Variants in ASB10 observed in about 807,000 individuals in gnomAD.
ASB10 encodes the protein ankyrin repeat and SOCS box containing 10.
ASB10 carries 44 observed loss-of-function variants against 35.4 expected under a neutral mutation model. That is an observed-to-expected ratio of 1.24 (90% CI 0.98 to 1.60). The LOEUF is 1.60. Among genes scored for constraint, ASB10 ranks in the 40% most tolerant of loss-of-function variants. ASB10 has a pLI of 0.00. For missense variants in ASB10, 647 were observed against 634.3 expected, an observed-to-expected ratio of 1.02 and a Z score of -0.22; for synonymous variants, 294 against 280.4, an observed-to-expected ratio of 1.05 and a Z score of -0.49.
chr7:151,178,131 C>T (rs980233079), intron 3 of ASB10, among the ~76,000 whole-genome samples: 2 of 152,232 alleles, frequency 1.3e-5, no homozygotes, highest in African/African-American at 4.8e-5. Context: ...CACCTTTAAT[C>T]CCAGCTATTT....
At chr7:151,181,585 C>T (rs1801495917) in intron 2 of ASB10, 127 bp from the exon 3 acceptor site, 7 of 1,374,940 alleles carry the variant, frequency 5.1e-6, no homozygotes, top group Non-Finnish European at 6.7e-6. Flanking sequence ...GTCATCCTGG[C>T]ACCATTCTGC....
chr7:151,175,858 G>A lies in ASB10; in HGVS notation c.*109C>T, dbSNP rs1339550523. 7 of 504,290 alleles carry A rather than the reference G, an allele frequency of 1.4e-5. No individual in the cohort carries two copies. The highest frequency in any genetic ancestry group is 3.7e-5 in the Admixed American group (1 of 26,700). 31.2% of individuals were successfully genotyped at this position (504,290 alleles called of 1,614,324 possible). On this transcript the variant is annotated 3_prime_UTR_variant, in exon 6 of 6. Transcript: ENST00000420175. ...AATTGCAGCATCCACACCTGCCTGC[G>A]GAGCTGGGCCTCCTGCTGCCAGGGC... is the stretch of plus-strand genomic sequence containing the variant.
chr7:151,181,077 G>A lies in ASB10; in HGVS notation c.966C>T (p.Thr322=), dbSNP rs368799141. 1.2e-6 allele frequency: 2 copies of A among 1,612,544 alleles called. No homozygotes were observed. The highest frequency in any genetic ancestry group is 3.3e-5 in the Admixed American group (2 of 60,028). ...LLLSCGVSAN[T]MDYGGHTPLH... is the part of the protein sequence containing the mutation. ...GGGGCGTGTGTCCCCCATAGTCCAT[G>A]GTGTTGGCGCTGACACCACAGGACA... Residue 322 remains threonine (T), a synonymous_variant, in exon 3 of 6, where the codon ACC becomes ACT. Transcript: ENST00000420175.
At chr7:151,187,657 C>CT, upstream of ASB10, 3 of 1,523,496 alleles carry the variant, frequency 2.0e-6, no homozygotes, top group Non-Finnish European at 2.7e-6. This position sits in a 1 kb window ranked among gnomAD's most constrained non-coding sequence, Gnocchi z 5.3. Flanking sequence ...TCCGGCAGGC[C>CT]GGGGCGGAGG....
intron 5 of ASB10, 31 bp downstream of exon 5, chr7:151,176,081 G>A: frequency 6.2e-7 from 1 of 1,604,996 alleles, no homozygotes; most frequent in Non-Finnish European, 8.5e-7. Flanking sequence ...ACCCCAAGCA[G>A]CTGTGACTGC....
intron 2 of ASB10, among the ~76,000 whole-genome samples, chr7:151,185,610 T>C (rs1801574597): frequency 6.6e-6 from 1 of 152,132 alleles, no homozygotes; most frequent in South Asian, 2.1e-4. Flanking sequence ...CCAGGGTCAA[T>C]AATTTGGCAC....
chr7:151,187,271 A>G (rs1253753097), upstream of ASB10: 1 of 1,512,920 alleles, frequency 6.6e-7, no homozygotes, highest in East Asian at 2.5e-5. This position sits in a 1 kb window ranked among gnomAD's most constrained non-coding sequence, Gnocchi z 5.3. Flanking sequence ...CGCATCCAGC[A>G]GGAGCTATTC....
chr7:151,177,628 C>T (rs1218257185), intron 3 of ASB10, among the ~76,000 whole-genome samples: 5 of 152,050 alleles, frequency 3.3e-5, no homozygotes, highest in Non-Finnish European at 1.5e-5. Flanking sequence ...GTGGGGGACT[C>T]ACAGAGGGAG....
intron 2 of ASB10, among the ~76,000 whole-genome samples, chr7:151,183,050 T>C (rs930414472): frequency 6.6e-6 from 1 of 152,246 alleles, no homozygotes; most frequent in African/African-American, 2.4e-5. Context: ...AACCTCACTA[T>C]CCAGTGGTAG....
intron 2 of ASB10, among the ~76,000 whole-genome samples, chr7:151,184,399 T>G (rs1801549335): frequency 7.4e-6 from 1 of 135,376 alleles, no homozygotes; most frequent in East Asian, 2.2e-4. Flanking sequence ...GGCGACAGAG[T>G]AAAAAAAAAA....
Position 151,187,204 on chromosome 7 carries a change from G to GCCACCT in ASB10, c.-75_-74insAGGTGG. 6.5e-7 allele frequency: 1 copy of GCCACCT among 1,544,236 alleles called. No homozygotes were observed. ...CAGAGAGAGAGAGAGAGAGCAGGAG[G>GCCACCT]GAAATACAGACAGACAGAAGGCCCC... is the stretch of plus-strand genomic sequence containing the variant. On this transcript the variant is annotated 5_prime_UTR_variant, in exon 1 of 6. Coordinates refer to ENST00000420175, the MANE Select transcript of ASB10 (RefSeq NM_001142459.2). This position sits in a 1 kb window ranked among gnomAD's most constrained non-coding sequence, Gnocchi z 5.3.
In ASB10 at chr7:151,176,136, C is replaced by T; in HGVS notation, c.1380G>A (p.Leu460=). 1 of 1,611,730 alleles carries T rather than the reference C, an allele frequency of 6.2e-7. No individual in the cohort carries two copies. Among genetic ancestry groups the T allele is most frequent in the Non-Finnish European group, 8.5e-7 (1 of 1,179,810 alleles). Residue 460 remains leucine (L), a synonymous_variant, in exon 5 of 6, where the codon CTG becomes CTA. Transcript: ENST00000420175. Reference sequence around the variant, plus strand: ...CCTAGTAGAGCACGCCCTCAAAATCCAGCTGCAGGTAGCGGAGCAGGCGCG... The same window carrying T: ...CCTAGTAGAGCACGCCCTCAAAATCTAGCTGCAGGTAGCGGAGCAGGCGCG... ...LPPRLLRYLQ[L]DFEGVLY
At chr7:151,180,903 C>A in intron 3 of ASB10, 36 bp downstream of exon 3, 1 of 1,454,500 alleles carries the variant, frequency 6.9e-7, no homozygotes, top group Non-Finnish European at 9.1e-7. Context: ...TGTCCCCTCA[C>A]CATGGTGGCC....
chr7:151,179,379 A>G (rs538665338), intron 3 of ASB10, among the ~76,000 whole-genome samples: 9 of 152,352 alleles, frequency 5.9e-5, no homozygotes, highest in African/African-American at 2.2e-4. Context: ...AACAGGAAAT[A>G]CAGCTTAGAG....
chr7:151,178,391 C>A lies in ASB10; in HGVS notation c.1105-1715G>T, dbSNP rs571073561. 9.2e-5 allele frequency among the ~76,000 whole-genome samples: 14 copies of A among 152,360 alleles called. No homozygotes were observed. In the South Asian group the frequency reaches 2.9e-3, roughly 32 times the overall value. On this transcript the variant is annotated intron_variant, in intron 3 of 5. Coordinates refer to ENST00000420175, the MANE Select transcript of ASB10 (RefSeq NM_001142459.2). Reference sequence around the variant, plus strand: ...CGCAGTGGAGCAGCCTGTGGACAGACCGTCCACGTGGTCAGAAAAGTGGCC... The same window carrying A: ...CGCAGTGGAGCAGCCTGTGGACAGAACGTCCACGTGGTCAGAAAAGTGGCC...
chr7:151,177,685 A>G (rs902080026), intron 3 of ASB10, among the ~76,000 whole-genome samples: 1 of 152,198 alleles, frequency 6.6e-6, no homozygotes, highest in African/African-American at 2.4e-5. Flanking sequence ...GAGGGTATTC[A>G]GGGAGAAGGG....
intron 4 of ASB10, 129 bp from the exon 5 acceptor site, chr7:151,176,426 G>C: frequency 6.8e-7 from 1 of 1,460,370 alleles, no homozygotes; most frequent in South Asian, 1.4e-5. Flanking sequence ...ATGAATGTTT[G>C]AGTGTTCACT....
At chr7:151,178,967 C>G (rs887190313) in intron 3 of ASB10, among the ~76,000 whole-genome samples, 12 of 152,152 alleles carry the variant, frequency 7.9e-5, no homozygotes, top group African/African-American at 2.9e-4. Context: ...GTCTGGAATG[C>G]CTGCCTCTTC....
At chr7:151,187,649 C>A (rs777390304), upstream of ASB10, 27 of 1,530,132 alleles carry the variant, frequency 1.8e-5, no homozygotes, top group Middle Eastern at 1.7e-4. This position sits in a 1 kb window ranked among gnomAD's most constrained non-coding sequence, Gnocchi z 5.3. Context: ...CCTCCAGATC[C>A]GGCAGGCCGG....
Sources: gnomAD v4.1 joint callset for allele counts (sites outside exome capture counted in the v4.1 genomes callset) on GRCh38, gnomAD v4.1.1 for gene constraint, Gnocchi (gnomAD v3.1) non-coding constraint, MANE v1.5 for transcripts, NCBI Gene and HGNC (gene_info 2026-07-23, HGNC 2026-07-21) for gene names.